The following RHOBTB1 variants were observed in gnomAD, a reference collection of about 807,000 sequenced individuals.
RHOBTB1 encodes the protein Rho related BTB domain containing 1, also known as rho-related BTB domain-containing protein 1.
RHOBTB1 carries 40 observed loss-of-function variants against 71.6 expected under a neutral mutation model. The observed-to-expected ratio is 0.56, with a 90% CI of 0.43 to 0.73. The LOEUF is 0.73. Ranked by LOEUF, RHOBTB1 falls within the 30% of genes least tolerant of loss-of-function variation. The pLI, the probability that RHOBTB1 is intolerant of heterozygous loss-of-function variation, is 0.00. For synonymous variants in RHOBTB1, 319 were observed against 334.9 expected, an observed-to-expected ratio of 0.95 and a Z score of 0.52; for missense variants, 797 against 894.0, an observed-to-expected ratio of 0.89 and a Z score of 1.38.
chr10:60,896,657 A>G (rs2082174518), intron 4 of RHOBTB1, among the ~76,000 whole-genome samples: 1 of 152,218 alleles, frequency 6.6e-6, no homozygotes, highest in Admixed American at 6.5e-5. Context: ...ACTTAAGGAT[A>G]TATGGTCTTA....
chr10:60,940,606 G>T (rs139529379), intron 2 of RHOBTB1, among the ~76,000 whole-genome samples: 9 of 152,234 alleles, frequency 5.9e-5, no homozygotes, highest in African/African-American at 2.2e-4. Context: ...CACAATTTTG[G>T]GTTACCATGC....
At chr10:60,862,316 G>A in the RHOBTB1 span, among the ~76,000 whole-genome samples, 1 of 151,930 alleles carries the variant, frequency 6.6e-6, no homozygotes. Context: ...TCCCACCTCA[G>A]CCTCTCTAGT....
chr10:60,967,125 G>A (rs1433422742), intron 2 of RHOBTB1, among the ~76,000 whole-genome samples: 3 of 151,838 alleles, frequency 2.0e-5, no homozygotes, highest in Admixed American at 6.6e-5. Flanking sequence ...ACTCTAGGTC[G>A]GAGACCTGAA....
At chr10:60,862,340 G>A in the RHOBTB1 span, among the ~76,000 whole-genome samples, 1 of 152,042 alleles carries the variant, frequency 6.6e-6, no homozygotes, top group African/African-American at 2.4e-5. Context: ...TGAGACTACA[G>A]GTGCCTGCCA....
intron 2 of RHOBTB1, among the ~76,000 whole-genome samples, chr10:60,927,625 C>T (rs2083964820): frequency 6.6e-6 from 1 of 152,130 alleles, no homozygotes; most frequent in Non-Finnish European, 1.5e-5. Flanking sequence ...AAGGCAGTCT[C>T]TTCAATAAAT....
At position 60,871,315 on chromosome 10, in the gene RHOBTB1, G is replaced by T. The variant is rs2080766592; in HGVS notation, c.*167C>A. On this transcript the variant is annotated 3_prime_UTR_variant, in exon 11 of 11. Coordinates refer to ENST00000337910, the MANE Select transcript of RHOBTB1 (RefSeq NM_014836.5). ...GTCCAGGCTCATTGATGGTGAGCTT[G>T]TGCTTTGATCCTAACAAAGATAAAT... The T allele has an allele frequency of 8.1e-6, 5 of 615,968 alleles. No homozygotes were observed. The East Asian group carries it at 1.4e-4, about 18-fold the overall frequency. The allele number at this position is 615,968 out of a possible 1,614,324, so 38.2% of individuals were successfully genotyped here. A position where few individuals can be genotyped will look rare whatever the true frequency, so the allele number is the denominator to read the frequency against.
chr10:60,991,384 A>C (rs562734324), intron 1 of RHOBTB1, among the ~76,000 whole-genome samples: 1 of 151,288 alleles, frequency 6.6e-6, no homozygotes, highest in Non-Finnish European at 1.5e-5. Context: ...AGACTTAAGC[A>C]GTTCACTCCT....
chr10:60,923,060 G>C (rs140793094), intron 2 of RHOBTB1, among the ~76,000 whole-genome samples: 4 of 152,258 alleles, frequency 2.6e-5, no homozygotes, highest in Non-Finnish European at 2.9e-5. Context: ...TGCTATCATA[G>C]AGCCCTACCT....
Position 60,990,469 on chromosome 10 carries a change from G to A in RHOBTB1, c.-162-4524C>T, listed in dbSNP as rs565374220. ...ACGACAGACAGAACCAGTTACAACT[G>A]TATTTCCTGTACATATCACTTAGCA... On this transcript the variant is annotated intron_variant, in intron 1 of 11. Coordinates refer to the RHOBTB1 transcript ENST00000357917. 3.3e-5 allele frequency among the ~76,000 whole-genome samples: 5 copies of A among 151,004 alleles called. No individual in the cohort carries two copies. In the South Asian group the frequency reaches 1.1e-3, roughly 32 times the overall value.
At chr10:60,900,430 T>C (rs757365479) in intron 4 of RHOBTB1, among the ~76,000 whole-genome samples, 4 of 152,174 alleles carry the variant, frequency 2.6e-5, no homozygotes, top group African/African-American at 4.8e-5. Context: ...GATAAGCTTT[T>C]TCGTGAGCTA....
chr10:60,958,047 C>T (rs1383409353), intron 2 of RHOBTB1, among the ~76,000 whole-genome samples: 3 of 152,246 alleles, frequency 2.0e-5, no homozygotes, highest in East Asian at 3.9e-4. Context: ...CAGTTAATCT[C>T]ATTAAAAAGC....
chr10:60,941,971 C>T (rs911824358), intron 1 of RHOBTB1, 117 bp from the exon 2 acceptor site: 2 of 151,924 alleles, frequency 1.3e-5, no homozygotes, highest in Admixed American at 6.6e-5. Context: ...AGGGAAGAAT[C>T]TGCTTTACTT....
chr10:60,978,674 C>T (rs969385531), intron 2 of RHOBTB1, among the ~76,000 whole-genome samples: 1 of 152,092 alleles, frequency 6.6e-6, no homozygotes, highest in Non-Finnish European at 1.5e-5. Context: ...AGCTCGCATC[C>T]AGAAATGTCA....
intron 2 of RHOBTB1, among the ~76,000 whole-genome samples, chr10:60,982,768 C>T (rs2086543102): frequency 6.6e-6 from 1 of 152,132 alleles, no homozygotes; most frequent in African/African-American, 2.4e-5. Flanking sequence ...TGTAAAATGC[C>T]TTTCTCACAC....
chr10:60,923,308 T>C (rs984838453), intron 2 of RHOBTB1, among the ~76,000 whole-genome samples: 4 of 152,362 alleles, frequency 2.6e-5, no homozygotes, highest in African/African-American at 9.6e-5. Context: ...ATCTGATTCA[T>C]GTACTTAACC....
At chr10:60,879,288 T>C (rs572434476) in intron 7 of RHOBTB1, among the ~76,000 whole-genome samples, 5 of 152,176 alleles carry the variant, frequency 3.3e-5, no homozygotes, top group Non-Finnish European at 7.3e-5. Flanking sequence ...ATTTTATTAA[T>C]GGTTTGTAAG....
intron 2 of RHOBTB1, among the ~76,000 whole-genome samples, chr10:60,962,937 T>A (rs1025112420): frequency 2.6e-5 from 4 of 152,170 alleles, no homozygotes; most frequent in African/African-American, 9.7e-5. Context: ...AATCTAGAGT[T>A]AGAATATCAT....
intron 2 of RHOBTB1, among the ~76,000 whole-genome samples, chr10:60,926,600 C>A (rs1024261770): frequency 3.9e-5 from 6 of 152,264 alleles, no homozygotes; most frequent in Admixed American, 2.0e-4. Flanking sequence ...AAATGTGACA[C>A]ATCATCTGAA....
At chr10:60,939,525 C>G (rs1203421479) in intron 2 of RHOBTB1, among the ~76,000 whole-genome samples, 1 of 152,212 alleles carries the variant, frequency 6.6e-6, no homozygotes, top group Non-Finnish European at 1.5e-5. Flanking sequence ...ACTCGCCCAT[C>G]TCCTACCCTT....
Sources: gnomAD v4.1 joint callset for allele counts (sites outside exome capture counted in the v4.1 genomes callset) on GRCh38, gnomAD v4.1.1 for gene constraint, MANE v1.5 for transcripts, NCBI Gene and HGNC (gene_info 2026-07-23, HGNC 2026-07-21) for gene names.